The following LRP1B variants were observed in gnomAD, a reference collection of about 807,000 sequenced individuals.
LRP1B encodes LDL receptor related protein 1B, also known as low-density lipoprotein receptor-related protein 1B.
Under a neutral mutation model 556.6 loss-of-function variants are expected in LRP1B, and 217 were observed. That is an observed-to-expected ratio of 0.39 (90% CI 0.35 to 0.44). The LOEUF is 0.44. Ranked by LOEUF, LRP1B falls within the 20% of genes least tolerant of loss-of-function variation. The pLI is 1.00. For missense variants in LRP1B, 5,053 were observed against 5,620.8 expected, an observed-to-expected ratio of 0.90 and a Z score of 3.23; for synonymous variants, 2,047 against 1,865.8, an observed-to-expected ratio of 1.10 and a Z score of -2.50.
chr2:141,194,069 T>C (rs1681641628), intron 6 of LRP1B, among the ~76,000 whole-genome samples: 1 of 152,118 alleles, frequency 6.6e-6, no homozygotes, highest in Admixed American at 6.6e-5. Flanking sequence ...CAGTACAATA[T>C]TGACTAGTTT....
intron 1 of LRP1B, among the ~76,000 whole-genome samples, chr2:142,077,082 T>G (rs903269633): frequency 1.3e-5 from 2 of 151,976 alleles, no homozygotes; most frequent in Non-Finnish European, 2.9e-5. Flanking sequence ...TGCTTCAGAG[T>G]CACATGAGGT....
At chr2:141,659,752 T>G (rs1170690972) in intron 2 of LRP1B, among the ~76,000 whole-genome samples, 2 of 152,124 alleles carry the variant, frequency 1.3e-5, no homozygotes, top group African/African-American at 4.8e-5. Flanking sequence ...ATAGAAGGGA[T>G]CAATTTACCT....
chr2:142,045,149 A>T (rs1189709749), intron 1 of LRP1B, among the ~76,000 whole-genome samples: 1 of 151,438 alleles, frequency 6.6e-6, no homozygotes, highest in Non-Finnish European at 1.5e-5. Context: ...GGGGAAAAAA[A>T]AAAAAAACAA....
chr2:141,317,152 A>T (rs1486857549), intron 3 of LRP1B, among the ~76,000 whole-genome samples: 1 of 152,206 alleles, frequency 6.6e-6, no homozygotes, highest in Non-Finnish European at 1.5e-5. Flanking sequence ...TGTATCTTTA[A>T]ATCATTTCAT....
rs10694161 is a variant in LRP1B, at chr2:141,331,522, C to CTTTCTTTCTTTCTT, written c.344-76882_344-76881insAAGAAAGAAAGAAA. On this transcript the variant is annotated intron_variant, in intron 3 of 90. Coordinates refer to ENST00000389484, the MANE Select transcript of LRP1B (RefSeq NM_018557.3). ...TCTTTCCTTCTTTCTTTCTTTCTTT[C>CTTTCTTTCTTTCTT]TCTTTCTTTCTTTCTTTCTTTCTTT... is the stretch of plus-strand genomic sequence containing the variant. 4.7e-3 allele frequency among the ~76,000 whole-genome samples: 661 copies of CTTTCTTTCTTTCTT among 140,808 alleles called. 10 individuals are homozygous for CTTTCTTTCTTTCTT. Among genetic ancestry groups the CTTTCTTTCTTTCTT allele is most frequent in the South Asian group, 0.023 (105 of 4,472 alleles). The allele number at this position is 140,808 out of a possible 152,430, so 92.4% of individuals were successfully genotyped here. A position where few individuals can be genotyped will look rare whatever the true frequency, so the allele number is the denominator to read the frequency against.
At chr2:141,439,672 G>A (rs1370898001) in intron 3 of LRP1B, among the ~76,000 whole-genome samples, 1 of 152,032 alleles carries the variant, frequency 6.6e-6, no homozygotes, top group Non-Finnish European at 1.5e-5. Context: ...GGAGTTACCA[G>A]CTAATTAAGT....
In LRP1B at chr2:141,469,888, A is replaced by C. The variant is rs184083564; in HGVS notation, c.343+10508T>G. On this transcript the variant is annotated intron_variant, in intron 3 of 90. Coordinates refer to ENST00000389484, the MANE Select transcript of LRP1B (RefSeq NM_018557.3). ...GAAAATAGGTAAATATAGTACAATA[A>C]GGTATTTTGAGAGAGAAAAAGAGAC... Among the ~76,000 whole-genome samples the C allele has an allele frequency of 7.9e-5, 12 of 152,304 alleles. No homozygotes were observed. The East Asian group carries it at 2.3e-3, about 29-fold the overall frequency.
rs1326641419 is a variant in LRP1B at position 141,868,065 on chromosome 2, T to C, written c.83-57664A>G. Reference sequence around the variant, plus strand: ...CCTAGGCTTGTGAATCACCTGCTTCTAACATCTATTCTGACTGCCAAATCC... The same window carrying C: ...CCTAGGCTTGTGAATCACCTGCTTCCAACATCTATTCTGACTGCCAAATCC... On this transcript the variant is annotated intron_variant, in intron 1 of 90. Coordinates refer to ENST00000389484, the MANE Select transcript of LRP1B (RefSeq NM_018557.3). 2.0e-5 allele frequency among the ~76,000 whole-genome samples: 3 copies of C among 152,342 alleles called. No homozygotes were observed. The East Asian group carries it at 5.8e-4, about 29-fold the overall frequency.
chr2:141,101,133 C>T (rs1392849149), intron 7 of LRP1B, among the ~76,000 whole-genome samples: 3 of 152,042 alleles, frequency 2.0e-5, no homozygotes, highest in African/African-American at 7.2e-5. Flanking sequence ...TCAAAAATCA[C>T]CAGAAGAAAA....
intron 7 of LRP1B, among the ~76,000 whole-genome samples, chr2:141,063,583 C>T (rs1699398270): frequency 1.3e-5 from 2 of 151,818 alleles, no homozygotes; most frequent in South Asian, 4.1e-4. Context: ...CATTGTCATG[C>T]TAAACGATCA....
At chr2:140,339,712 T>C (rs1681274746) in intron 77 of LRP1B, among the ~76,000 whole-genome samples, 1 of 151,686 alleles carries the variant, frequency 6.6e-6, no homozygotes, top group Non-Finnish European at 1.5e-5. Flanking sequence ...ATTACTAAAT[T>C]CTATTGACTT....
At chr2:141,245,195 A>T (rs1483659779) in intron 5 of LRP1B, among the ~76,000 whole-genome samples, 1 of 152,222 alleles carries the variant, frequency 6.6e-6, no homozygotes, top group Non-Finnish European at 1.5e-5. Context: ...AAAGGAAAAC[A>T]TAACCTGACC....
chr2:141,659,083 T>G (rs1404892667), intron 2 of LRP1B, among the ~76,000 whole-genome samples: 1 of 152,040 alleles, frequency 6.6e-6, no homozygotes, highest in Non-Finnish European at 1.5e-5. Context: ...TTGTTTGTTT[T>G]TTGAGAGATG....
At chr2:140,773,701 T>C (rs1008744101) in intron 33 of LRP1B, among the ~76,000 whole-genome samples, 15 of 151,700 alleles carry the variant, frequency 9.9e-5, no homozygotes, top group Non-Finnish European at 1.8e-4. Context: ...TGTTAAACAC[T>C]AACCATATAC....
At chr2:140,828,833 A>G (rs534734203) in intron 31 of LRP1B, among the ~76,000 whole-genome samples, 1 of 150,386 alleles carries the variant, frequency 6.6e-6, no homozygotes, top group African/African-American at 2.4e-5. Context: ...GCAGCTGAAT[A>G]ATTTTTTTAT....
At chr2:140,774,551 C>A (rs1435215875) in intron 33 of LRP1B, among the ~76,000 whole-genome samples, 1 of 152,114 alleles carries the variant, frequency 6.6e-6, no homozygotes, top group East Asian at 1.9e-4. Flanking sequence ...TTTGGAAATT[C>A]TTTCTCTCTT....
chr2:140,701,963 G>T, intron 39 of LRP1B, 118 bp from the exon 40 acceptor site: 1 of 1,373,344 alleles, frequency 7.3e-7, no homozygotes, highest in Non-Finnish European at 1.0e-6. Flanking sequence ...ACTTTAGTCT[G>T]TGACATTGAA....
chr2:140,637,369 C>T (rs1482030623), intron 41 of LRP1B, among the ~76,000 whole-genome samples: 1 of 152,122 alleles, frequency 6.6e-6, no homozygotes, highest in Non-Finnish European at 1.5e-5. Flanking sequence ...AACTGCAAGT[C>T]TCCTTTCAAT....
chr2:141,205,358 G>A (rs1682226980), intron 6 of LRP1B, among the ~76,000 whole-genome samples: 1 of 152,192 alleles, frequency 6.6e-6, no homozygotes, highest in South Asian at 2.1e-4. Context: ...GACTCTCCAT[G>A]TAATTCTGTG....
Sources: gnomAD v4.1 joint callset for allele counts (sites outside exome capture counted in the v4.1 genomes callset) on GRCh38, gnomAD v4.1.1 for gene constraint, MANE v1.5 for transcripts, NCBI Gene and HGNC (gene_info 2026-07-23, HGNC 2026-07-21) for gene names.